RBCK1: variants seen among roughly 807,000 people sequenced by gnomAD.
RBCK1 encodes RANBP2-type and C3HC4-type zinc finger containing 1.
RBCK1 carries 44 observed loss-of-function variants against 71.1 expected under a neutral mutation model. The ratio of observed to expected loss-of-function variants is 0.62; its 90% confidence interval spans 0.49 to 0.80. RBCK1 has a LOEUF of 0.80. RBCK1 is among the 30% of genes least tolerant of loss of function. The pLI is 0.00. For synonymous variants in RBCK1, 306 were observed against 279.7 expected, an observed-to-expected ratio of 1.09 and a Z score of -0.94; for missense variants, 569 against 685.0, an observed-to-expected ratio of 0.83 and a Z score of 1.89.
Position 419,657 on chromosome 20 carries a change from G to T in RBCK1, c.682G>T (p.Ala228Ser), listed in dbSNP as rs752666659. 1.9e-6 allele frequency: 3 copies of T among 1,584,296 alleles called. No homozygotes were observed. Among genetic ancestry groups the T allele is most frequent in the Admixed American group, 1.8e-5 (1 of 56,420 alleles). The change falls in exon 6 of 12, where the codon GCC (alanine) becomes TCC (serine). Residue 228 changes from alanine (A) to serine (S), a missense_variant. Coordinates refer to ENST00000356286, the MANE Select transcript of RBCK1 (RefSeq NM_031229.4). ...RARPEAYQVP[A>S]SYQPDEEERA... is the part of the protein sequence containing the mutation. ...GCGCCCCGAGGCCTACCAGGTCCCC[G>T]CCTCATACCAGCCCGACGAGGAGGA... is the stretch of plus-strand genomic sequence containing the variant.
At chr20:408,832 C>CA (rs1261177836) in intron 1 of RBCK1, 53 bp downstream of exon 1, 9 of 1,585,148 alleles carry the variant, frequency 5.7e-6, no homozygotes, top group Non-Finnish European at 6.9e-6. Flanking sequence ...GTGGGCCCCG[C>CA]AGGACCTGGC....
chr20:420,018 A>G (rs1322398590), intron 6 of RBCK1: 1 of 984,280 alleles, frequency 1.0e-6, no homozygotes, highest in Non-Finnish European at 1.2e-6. Context: ...GCTTTGACAC[A>G]CCACACGAGT....
chr20:408,540 T>C lies in RBCK1; in HGVS notation c.-218T>C. 1.6e-6 allele frequency: 1 copy of C among 623,836 alleles called. No homozygotes were observed. Among genetic ancestry groups the C allele is most frequent in the South Asian group, 1.8e-5 (1 of 54,688 alleles). The allele number at this position is 623,836 out of a possible 1,614,324, so 38.6% of individuals were successfully genotyped here. Reference sequence around the variant, plus strand: ...GGACCTGTCTCGGCGCCCGCTGCCCTCTCACCGCCCCACGCAGGATCCCGG... The same window carrying C: ...GGACCTGTCTCGGCGCCCGCTGCCCCCTCACCGCCCCACGCAGGATCCCGG... On this transcript the variant is annotated 5_prime_UTR_variant, in exon 1 of 12. Coordinates refer to ENST00000356286, the MANE Select transcript of RBCK1 (RefSeq NM_031229.4).
intron 6 of RBCK1, chr20:420,104 AC>A: frequency 2.0e-6 from 2 of 982,870 alleles, no homozygotes; most frequent in Non-Finnish European, 2.4e-6. Context: ...CTCGGACCTC[AC>A]CCCCACCCGT....
rs2017029932 is a variant in RBCK1, at chr20:432,065, A to G, written c.*1635A>G. Among the ~76,000 whole-genome samples the G allele has an allele frequency of 6.6e-6, 1 of 152,156 alleles. No individual in the cohort carries two copies. The highest frequency in any genetic ancestry group is 1.5e-5 in the Non-Finnish European group (1 of 68,014). On this transcript the variant is annotated 3_prime_UTR_variant, in exon 12 of 12. Transcript: ENST00000356286. The surrounding 1 kb of genome is among the most constrained non-coding windows in gnomAD (Gnocchi z 4.3). The stretch of plus-strand genomic sequence containing the variant: ...ACCCAGTGTTGTTTTAGAAATTTAA[A>G]TCGGTTGCCCATCTTTTTAAATTGG...
intron 2 of RBCK1, among the ~76,000 whole-genome samples, chr20:413,227 T>C (rs1600277952): frequency 2.0e-5 from 3 of 152,198 alleles, no homozygotes; most frequent in African/African-American, 7.2e-5. Context: ...TCTCCAACTT[T>C]TGTTCTTTTT....
intron 2 of RBCK1, among the ~76,000 whole-genome samples, chr20:413,485 C>T (rs1435935174): frequency 1.3e-5 from 2 of 152,154 alleles, no homozygotes; most frequent in Non-Finnish European, 2.9e-5. Context: ...ACTCATCTTC[C>T]ACCTTTCCTT....
In RBCK1 at chr20:426,816, C is replaced by CTTTTT. The variant is rs768525416; in HGVS notation, c.1030-473_1030-469dup. ...TCACTTTCTTTTTACTTTTCTTTTC[C>CTTTTT]TTTTTTTTTTTTTTTTTTTTTTTTT... On this transcript the variant is annotated intron_variant, in intron 8 of 11. Coordinates refer to ENST00000356286, the MANE Select transcript of RBCK1 (RefSeq NM_031229.4). Among the ~76,000 whole-genome samples, 138 of 95,462 alleles carry CTTTTT rather than the reference C, an allele frequency of 1.4e-3. 8 individuals carry two copies. The highest frequency in any genetic ancestry group is 6.7e-3 in the African/African-American group (125 of 18,708). 62.6% of individuals were successfully genotyped at this position (95,462 alleles called of 152,430 possible).
rs751182894 is a variant in RBCK1 at position 430,464 on chromosome 20, CCCA to C, written c.*36_*38del. ...TGGTGGGGCCACATGCTGACCCAGC[CCCA>C]CATCCACATTCTGTTAGAATGTAGC... On this transcript the variant is annotated 3_prime_UTR_variant, in exon 12 of 12. Transcript: ENST00000356286. This position sits in a 1 kb window ranked among gnomAD's most constrained non-coding sequence, Gnocchi z 5.6. The C allele has an allele frequency of 6.4e-7, 1 of 1,554,532 alleles. No homozygotes were observed. Among genetic ancestry groups the C allele is most frequent in the African/African-American group, 1.4e-5 (1 of 73,586 alleles).
chr20:411,574 A>T (rs2015710830), intron 2 of RBCK1, among the ~76,000 whole-genome samples: 1 of 152,010 alleles, frequency 6.6e-6, no homozygotes, highest in East Asian at 1.9e-4. Context: ...TCGCCGTGTT[A>T]ACCAGGATGG....
chr20:421,169 C>T (rs1410474338), intron 7 of RBCK1, 138 bp downstream of exon 7: 1 of 1,135,168 alleles, frequency 8.8e-7, no homozygotes, highest in Non-Finnish European at 1.2e-6. Context: ...CTCCGTCTCC[C>T]CATGTTGCGG....
In RBCK1 at chr20:430,646, T is replaced by C; in HGVS notation, c.*216T>C. 1 of 594,180 alleles carries C rather than the reference T, an allele frequency of 1.7e-6. No individual in the cohort carries two copies. Among genetic ancestry groups the C allele is most frequent in the Non-Finnish European group, 3.0e-6 (1 of 332,662 alleles). 36.8% of individuals were successfully genotyped at this position (594,180 alleles called of 1,614,324 possible). ...CTCCCCTGCGGCTCCCACCTCTGCC[T>C]GACCCCAGCCTTAAACATAGCCCCT... On this transcript the variant is annotated 3_prime_UTR_variant, in exon 12 of 12. Coordinates refer to ENST00000356286, the MANE Select transcript of RBCK1 (RefSeq NM_031229.4). The surrounding 1 kb of genome is among the most constrained non-coding windows in gnomAD (Gnocchi z 5.6).
rs1193502141 is a variant in RBCK1 at position 430,509 on chromosome 20, A to G, written c.*79A>G. The G allele has an allele frequency of 3.5e-6, 5 of 1,448,440 alleles. No homozygotes were observed. The African/African-American group carries it at 7.0e-5, about 20-fold the overall frequency. The allele number at this position is 1,448,440 out of a possible 1,614,324, so 89.7% of individuals were successfully genotyped here. A position where few individuals can be genotyped will look rare whatever the true frequency, so the allele number is the denominator to read the frequency against. ...GAATGTAGCTCAGGGAGCTTCGTGG[A>G]CGGCCTTGCTTGCTGTAGCGTTGTA... On this transcript the variant is annotated 3_prime_UTR_variant, in exon 12 of 12. Coordinates refer to ENST00000356286, the MANE Select transcript of RBCK1 (RefSeq NM_031229.4). The surrounding 1 kb of genome is among the most constrained non-coding windows in gnomAD (Gnocchi z 5.6).
intron 4 of RBCK1, among the ~76,000 whole-genome samples, chr20:418,589 C>G (rs369786332): frequency 1.3e-5 from 2 of 151,586 alleles, no homozygotes; most frequent in African/African-American, 2.4e-5. Flanking sequence ...AGGATGGTCT[C>G]GATCTCCTGA....
chr20:429,040 C>A lies in RBCK1; in HGVS notation c.1398C>A (p.Thr466=). ...KKDGCDWIRC[T]VCHTEICWVT... ...ACGGCTGCGACTGGATCCGCTGCAC[C>A]GTCTGCCACACCGAGATCTGCTGGG... The change falls in exon 11 of 12, where the codon ACC becomes ACA. Residue 466 remains threonine (T), a synonymous_variant. Transcript: ENST00000356286. 6.2e-7 allele frequency: 1 copy of A among 1,612,540 alleles called. No homozygotes were observed.
In RBCK1 at chr20:428,680, C is replaced by A; in HGVS notation, c.1308+91C>A. 7.1e-7 allele frequency: 1 copy of A among 1,415,214 alleles called. No homozygotes were observed. The highest frequency in any genetic ancestry group is 9.5e-7 in the Non-Finnish European group (1 of 1,055,376). 87.7% of individuals were successfully genotyped at this position (1,415,214 alleles called of 1,614,324 possible). A position where few individuals can be genotyped will look rare whatever the true frequency, so the allele number is the denominator to read the frequency against. On this transcript the variant is annotated intron_variant, in intron 10 of 11. Coordinates refer to ENST00000356286, the MANE Select transcript of RBCK1 (RefSeq NM_031229.4). This position sits in a 1 kb window ranked among gnomAD's most constrained non-coding sequence, Gnocchi z 5.7. ...CTTCCCAGTAAGGGCTGTGCTCACA[C>A]ATCCCTGGAGGCTCTGACCTCCCTT...
chr20:420,843 G>GC (rs1403758880), intron 6 of RBCK1, 28 bp from the exon 7 acceptor site: 3 of 1,444,288 alleles, frequency 2.1e-6, no homozygotes, highest in Non-Finnish European at 2.7e-6. Flanking sequence ...GCCCTGACCC[G>GC]CCCCGTGGCC....
rs371483995 is a variant in RBCK1 at position 417,316 on chromosome 20, C to T, written c.168-210C>T. Reference sequence around the variant, plus strand: ...TGCCACGAGTTGATTCTAAGAGTAGCGTGGAGCCATTGGAGGGGCCTAACT... The same window carrying T: ...TGCCACGAGTTGATTCTAAGAGTAGTGTGGAGCCATTGGAGGGGCCTAACT... On this transcript the variant is annotated intron_variant, in intron 2 of 11. Transcript: ENST00000356286. The surrounding 1 kb of genome is among the most constrained non-coding windows in gnomAD (Gnocchi z 4.7). 41 of 719,488 alleles carry T rather than the reference C, an allele frequency of 5.7e-5. No individual in the cohort carries two copies. Among genetic ancestry groups the T allele is most frequent in the African/African-American group, 5.2e-4 (30 of 57,958 alleles). 44.6% of individuals were successfully genotyped at this position (719,488 alleles called of 1,614,324 possible). A position where few individuals can be genotyped will look rare whatever the true frequency, so the allele number is the denominator to read the frequency against.
chr20:421,839 G>C (rs1600300316), intron 7 of RBCK1: 1 of 414,726 alleles, frequency 2.4e-6, no homozygotes, highest in East Asian at 4.2e-5. Flanking sequence ...TTCTGAGATA[G>C]ACTCTAGGGG....
Sources: gnomAD v4.1 joint callset for allele counts (sites outside exome capture counted in the v4.1 genomes callset) on GRCh38, gnomAD v4.1.1 for gene constraint, Gnocchi (gnomAD v3.1) non-coding constraint, MANE v1.5 for transcripts, NCBI Gene and HGNC (gene_info 2026-07-23, HGNC 2026-07-21) for gene names.